SLC30A8: variants seen among roughly 807,000 people sequenced by gnomAD.
SLC30A8 encodes the protein proton-coupled zinc antiporter SLC30A8.
Under a neutral mutation model 36.9 loss-of-function variants are expected in SLC30A8, and 27 were observed. The ratio of observed to expected loss-of-function variants is 0.73; its 90% CI spans 0.54 to 1.01. The LOEUF is 1.01. SLC30A8 is among the 50% of genes least tolerant of loss of function. The pLI, the probability that SLC30A8 is intolerant of heterozygous loss-of-function variation, is 0.00. For synonymous variants in SLC30A8, 164 were observed against 172.4 expected, an observed-to-expected ratio of 0.95 and a Z score of 0.38; for missense variants, 439 against 452.0, an observed-to-expected ratio of 0.97 and a Z score of 0.26.
intron 2 of SLC30A8, among the ~76,000 whole-genome samples, chr8:117,056,680 T>C (rs1586451750): frequency 6.6e-6 from 1 of 152,150 alleles, no homozygotes; most frequent in African/African-American, 2.4e-5. Flanking sequence ...TTCACACATA[T>C]TTTTTGCATT....
chr8:117,031,286 G>A (rs991338817), intron 1 of SLC30A8, among the ~76,000 whole-genome samples: 14 of 152,144 alleles, frequency 9.2e-5, no homozygotes, highest in Non-Finnish European at 2.1e-4. Context: ...CATTTTGCTG[G>A]TAAGAAAACT....
At chr8:117,077,372 G>A (rs904094520) in intron 2 of SLC30A8, among the ~76,000 whole-genome samples, 1 of 152,146 alleles carries the variant, frequency 6.6e-6, no homozygotes, top group Non-Finnish European at 1.5e-5. Flanking sequence ...ATGGTTGCTT[G>A]TATAGGCATC....
intron 1 of SLC30A8, among the ~76,000 whole-genome samples, chr8:116,964,166 A>T (rs1470799186): frequency 6.6e-6 from 1 of 152,220 alleles, no homozygotes; most frequent in Non-Finnish European, 1.5e-5. Context: ...GAGCTGAATT[A>T]GTTTGTCTTA....
intron 2 of SLC30A8, among the ~76,000 whole-genome samples, chr8:117,041,562 C>A (rs1290976364): frequency 6.6e-6 from 1 of 151,960 alleles, no homozygotes; most frequent in Non-Finnish European, 1.5e-5. Flanking sequence ...TGGTGGTGGG[C>A]ACCTGTAATT....
intron 1 of SLC30A8, among the ~76,000 whole-genome samples, chr8:116,985,222 T>C (rs1280511594): frequency 6.6e-6 from 1 of 151,864 alleles, no homozygotes; most frequent in Non-Finnish European, 1.5e-5. Flanking sequence ...GGGTAGCTAC[T>C]ATAATTAATT....
intron 2 of SLC30A8, among the ~76,000 whole-genome samples, chr8:117,116,299 A>G (rs1820442444): frequency 1.3e-5 from 2 of 152,014 alleles, no homozygotes; most frequent in Admixed American, 6.6e-5. Context: ...GTTTTGATCT[A>G]AAAAATACCC....
At chr8:117,016,093 C>A (rs1007677264) in intron 1 of SLC30A8, among the ~76,000 whole-genome samples, 3 of 152,154 alleles carry the variant, frequency 2.0e-5, no homozygotes, top group Non-Finnish European at 2.9e-5. Context: ...CCAGGTGAAT[C>A]AGTCCTGGAG....
At chr8:117,022,211 A>G (rs1816721418) in intron 1 of SLC30A8, among the ~76,000 whole-genome samples, 1 of 151,986 alleles carries the variant, frequency 6.6e-6, no homozygotes, top group Non-Finnish European at 1.5e-5. Flanking sequence ...AAAAAAAAAA[A>G]AGAAAACAAG....
At chr8:117,132,574 C>T (rs140431383), upstream of SLC30A8, among the ~76,000 whole-genome samples, 2 of 152,088 alleles carry the variant, frequency 1.3e-5, no homozygotes, top group Non-Finnish European at 2.9e-5. Context: ...AAACCAATGT[C>T]TACAGGGGAT....
At chr8:116,987,799 A>T (rs1344585797) in intron 1 of SLC30A8, among the ~76,000 whole-genome samples, 1 of 152,122 alleles carries the variant, frequency 6.6e-6, no homozygotes, top group Non-Finnish European at 1.5e-5. Flanking sequence ...GAACTCAAGC[A>T]ATTCTCCTGC....
At position 116,994,129 on chromosome 8, in the gene SLC30A8, A is replaced by T. The variant is rs551297798; in HGVS notation, c.-266+43010A>T. Among the ~76,000 whole-genome samples the T allele has an allele frequency of 2.6e-5, 4 of 152,230 alleles. No individual in the cohort carries two copies. The East Asian group carries it at 7.7e-4, about 29-fold the overall frequency. ...ATTTTTCCAAAATTTTAAAGAAGAAATAAAACCACTTCACAGAAATGATTC... is the reference window on the plus strand; with the variant it reads ...ATTTTTCCAAAATTTTAAAGAAGAATTAAAACCACTTCACAGAAATGATTC... On this transcript the variant is annotated intron_variant, in intron 1 of 10. Coordinates refer to the SLC30A8 transcript ENST00000427715.
intron 1 of SLC30A8, among the ~76,000 whole-genome samples, chr8:116,977,537 A>T (rs10955799): frequency 0.014 from 1,491 of 108,436 alleles, 12 homozygotes; most frequent in Non-Finnish European, 0.023. Context: ...TTTGAGATAG[A>T]GTCTGGCTCT....
intron 3 of SLC30A8, among the ~76,000 whole-genome samples, chr8:117,157,486 A>C (rs1822555517): frequency 6.6e-6 from 1 of 152,222 alleles, no homozygotes; most frequent in South Asian, 2.1e-4. Flanking sequence ...ATAGTGACTC[A>C]GATGCTGGTG....
chr8:117,117,630 C>CT (rs1292310877), intron 2 of SLC30A8, among the ~76,000 whole-genome samples: 1 of 151,892 alleles, frequency 6.6e-6, no homozygotes, highest in Non-Finnish European at 1.5e-5. Flanking sequence ...TTTTACACTG[C>CT]TTTATGTACA....
chr8:117,175,434 A>AATGTTGAAGGACATGAAAGAAAGG lies in SLC30A8; in HGVS notation c.*2759_*2782dup, dbSNP rs1823629924. 6.6e-6 allele frequency: 1 copy of AATGTTGAAGGACATGAAAGAAAGG among 152,132 alleles called. No homozygotes were observed. Among genetic ancestry groups the AATGTTGAAGGACATGAAAGAAAGG allele is most frequent in the African/African-American group, 2.4e-5 (1 of 41,442 alleles). 9.4% of individuals were successfully genotyped at this position (152,132 alleles called of 1,614,324 possible). A position where few individuals can be genotyped will look rare whatever the true frequency, so the allele number is the denominator to read the frequency against. On this transcript the variant is annotated 3_prime_UTR_variant, in exon 8 of 8. Transcript: ENST00000456015. Reference sequence around the variant, plus strand: ...TGTTTGGTTACAGATGGGAAATGGGAATGTTGAAGGACATGAAAGAAAGGA... The same window carrying AATGTTGAAGGACATGAAAGAAAGG: ...TGTTTGGTTACAGATGGGAAATGGGAATGTTGAAGGACATGAAAGAAAGGATGTTGAAGGACATGAAAGAAAGGA...
At chr8:117,095,124 C>T (rs1375795344) in intron 2 of SLC30A8, among the ~76,000 whole-genome samples, 2 of 152,214 alleles carry the variant, frequency 1.3e-5, no homozygotes, top group Admixed American at 1.3e-4. Context: ...GTGGCTGCAG[C>T]TGCGCCAGGG....
At chr8:116,973,634 G>A (rs1016465595) in intron 1 of SLC30A8, among the ~76,000 whole-genome samples, 6 of 152,098 alleles carry the variant, frequency 3.9e-5, no homozygotes, top group Admixed American at 1.3e-4. Context: ...TATAGATTCA[G>A]TGCCATCCCC....
chr8:117,079,837 T>A (rs1171324489), intron 2 of SLC30A8, among the ~76,000 whole-genome samples: 1 of 152,206 alleles, frequency 6.6e-6, no homozygotes, highest in Non-Finnish European at 1.5e-5. Flanking sequence ...AATTTTGAAT[T>A]CCCCGTTGTT....
At chr8:117,035,918 AAGGCTGCACAG>A in intron 1 of SLC30A8, among the ~76,000 whole-genome samples, 1 of 152,292 alleles carries the variant, frequency 6.6e-6, no homozygotes, top group South Asian at 2.1e-4. Flanking sequence ...GCTATGTCCT[AAGGCTGCACAG>A]AGCAGTGTGT....
Sources: gnomAD v4.1 joint callset for allele counts (sites outside exome capture counted in the v4.1 genomes callset) on GRCh38, gnomAD v4.1.1 for gene constraint, MANE v1.5 for transcripts, NCBI Gene and HGNC (gene_info 2026-07-23, HGNC 2026-07-21) for gene names.